The following NCAPD3 variants were observed in gnomAD, a reference collection of about 807,000 sequenced individuals.
NCAPD3 encodes the protein condensin-2 complex subunit D3.
In NCAPD3, 105 loss-of-function variants were observed where a neutral mutation model predicts 182.9. The observed-to-expected ratio is 0.57, with a 90% CI of 0.49 to 0.68. NCAPD3 has a LOEUF of 0.68. Ranked by LOEUF, NCAPD3 falls within the 30% of genes least tolerant of loss-of-function variation. The pLI is 0.00. For synonymous variants in NCAPD3, 815 were observed against 679.9 expected (o/e 1.20, Z -3.09); for missense variants, 1,944 against 1,837.0 (o/e 1.06, Z -1.07).
intron 28 of NCAPD3, among the ~76,000 whole-genome samples, 199 bp downstream of exon 28, chr11:134,161,582 G>T (rs1943580989): frequency 6.6e-6 from 1 of 152,228 alleles, no homozygotes; most frequent in Non-Finnish European, 1.5e-5. Context: ...GGCCCTGGCT[G>T]CACATCCAAG....
At chr11:134,193,135 C>T (rs75802783) in intron 15 of NCAPD3, among the ~76,000 whole-genome samples, 3 of 152,108 alleles carry the variant, frequency 2.0e-5, no homozygotes, top group Non-Finnish European at 4.4e-5. Flanking sequence ...TTACTAGTAG[C>T]TACTAGTAAA....
Position 134,158,489 on chromosome 11 carries a change from G to A in NCAPD3, c.3874C>T (p.Leu1292=), listed in dbSNP as rs372763089. 7.2e-5 allele frequency: 116 copies of A among 1,613,412 alleles called. No homozygotes were observed. The South Asian group carries it at 9.6e-4, about 13-fold the overall frequency. The change falls in exon 30 of 35, where the codon CTG becomes TTG. Residue 1292 remains leucine (L), a synonymous_variant. Transcript: ENST00000534548. ...AEVAPVAQVA[L]CLETVPVPAG... Reference sequence around the variant, plus strand: ...GGAACTGGCACTGTTTCTAAACACAGGGCAACCTGGTAGAGAAGATAAAGA... The same window carrying A: ...GGAACTGGCACTGTTTCTAAACACAAGGCAACCTGGTAGAGAAGATAAAGA...
chr11:134,209,426 G>C lies in NCAPD3; in HGVS notation c.619C>G (p.Arg207Gly). 6.2e-7 allele frequency: 1 copy of C among 1,613,312 alleles called. No individual in the cohort carries two copies. Among genetic ancestry groups the C allele is most frequent in the Non-Finnish European group, 8.5e-7 (1 of 1,179,678 alleles). The change falls in exon 5 of 35, where the codon CGG becomes GGG. Residue 207 changes from arginine (R) to glycine (G), a missense_variant. Physicochemically the swap from Arg to Gly is moderately radical, Grantham distance 125 (BLOSUM62 -2). Transcript: ENST00000534548. Reference protein sequence around the residue: ...QEDENICFSARDLSQIRNAIF... With the variant: ...QEDENICFSAGDLSQIRNAIF... ...GCATTTCGAATTTGAGAAAGGTCCC[G>C]GGCAGAAAAACAAATATTCTCATCT...
chr11:134,182,286 A>G (rs1393082679), intron 19 of NCAPD3, among the ~76,000 whole-genome samples: 1 of 152,242 alleles, frequency 6.6e-6, no homozygotes. Context: ...AACAGGGGAC[A>G]TGCTCTGGGG....
chr11:134,162,207 G>A (rs605930), intron 27 of NCAPD3, among the ~76,000 whole-genome samples: 42,500 of 152,034 alleles, frequency 0.28, 6,535 homozygotes, highest in African/African-American at 0.41. Flanking sequence ...AGACCCTGAG[G>A]GACCTTGGCT....
At chr11:134,159,863 G>A in intron 29 of NCAPD3, 29 bp downstream of exon 29, 1 of 1,597,806 alleles carries the variant, frequency 6.3e-7, no homozygotes, top group Non-Finnish European at 8.5e-7. Context: ...TGGACTGTCT[G>A]GTCACAGTGC....
rs2136011628 is a variant in NCAPD3 at position 134,203,896 on chromosome 11, C to T, written c.1226G>A (p.Arg409Gln). 6.2e-7 allele frequency: 1 copy of T among 1,613,492 alleles called. No individual in the cohort carries two copies. The highest frequency in any genetic ancestry group is 8.5e-7 in the Non-Finnish European group (1 of 1,179,558). The stretch of plus-strand genomic sequence containing the variant: ...TAAGACAACATCAAGAGTAAAAACC[C>T]GGTGTGGGATCTGGTAAAGCAAGAT... ...KYSRSSKIPH[R>Q]VFTLDVVLAL... Residue 409 changes from arginine to glutamine, a missense_variant, in exon 11 of 35, where the codon CGG becomes CAG. Physicochemically the swap from Arg to Gln is conservative, Grantham distance 43. Around this residue, in one of 3 missense-constraint regions of NCAPD3, gnomAD observed 1,803 missense variants for 1,674.6 expected, o/e 1.08. Transcript: ENST00000534548.
At chr11:134,177,508 C>T (rs1230551566) in intron 22 of NCAPD3, 51 bp from the exon 23 acceptor site, 2 of 1,523,798 alleles carry the variant, frequency 1.3e-6, no homozygotes, top group African/African-American at 2.7e-5. Context: ...ATCCTAATTC[C>T]ATTCCTAAAT....
upstream of NCAPD3, chr11:134,224,004 T>A: frequency 3.3e-6 from 5 of 1,533,732 alleles, no homozygotes; most frequent in Non-Finnish European, 4.4e-6. Flanking sequence ...GTCGTTCCTG[T>A]GGACCAATCA....
chr11:134,169,896 A>G (rs1943964731), intron 24 of NCAPD3, among the ~76,000 whole-genome samples: 1 of 152,230 alleles, frequency 6.6e-6, no homozygotes, highest in South Asian at 2.1e-4. Context: ...TTAATTTAAT[A>G]TCAGAGCTCA....
chr11:134,152,716 G>C lies in NCAPD3; in HGVS notation c.*228C>G, dbSNP rs925615033. 1.8e-5 allele frequency: 8 copies of C among 449,106 alleles called. No homozygotes were observed. Among genetic ancestry groups the C allele is most frequent in the Non-Finnish European group, 3.1e-5 (8 of 256,404 alleles). The allele number at this position is 449,106 out of a possible 1,614,324, so 27.8% of individuals were successfully genotyped here. A position where few individuals can be genotyped will look rare whatever the true frequency, so the allele number is the denominator to read the frequency against. ...TAAAGTTACAATATTAAACAGATTA[G>C]GGTAAGAAAATCTAAATCTGGCACA... On this transcript the variant is annotated 3_prime_UTR_variant, in exon 35 of 35. Coordinates refer to ENST00000534548, the MANE Select transcript of NCAPD3 (RefSeq NM_015261.3).
intron 24 of NCAPD3, among the ~76,000 whole-genome samples, chr11:134,170,389 T>C (rs945187464): frequency 6.6e-6 from 1 of 152,228 alleles, no homozygotes; most frequent in African/African-American, 2.4e-5. Context: ...CAGCATCAGA[T>C]GAAGTTATTT....
Position 134,184,700 on chromosome 11 carries a change from A to G in NCAPD3, c.2388T>C (p.Ser796=). The G allele has an allele frequency of 6.2e-7, 1 of 1,614,090 alleles. No individual in the cohort carries two copies. The highest frequency in any genetic ancestry group is 8.5e-7 in the Non-Finnish European group (1 of 1,180,006). ...GCCTCTGCAAGGCGTCAACAGCTGAACTGATCACCTCTAGAGACCACTGAA... is the reference window on the plus strand; with the variant it reads ...GCCTCTGCAAGGCGTCAACAGCTGAGCTGATCACCTCTAGAGACCACTGAA... The part of the protein sequence containing the change: ...NGFQWSLEVI[S]SAVDALQRLC... The change falls in exon 19 of 35, where the codon AGT becomes AGC. Residue 796 remains serine (S), a synonymous_variant. Transcript: ENST00000534548.
chr11:134,160,132 A>G lies in NCAPD3; in HGVS notation c.3685-58T>C, dbSNP rs936883689. On this transcript the variant is annotated intron_variant, in intron 28 of 34. Coordinates refer to ENST00000534548, the MANE Select transcript of NCAPD3 (RefSeq NM_015261.3). ...TTCTTGAATAAAAACGTAAAGCCCT[A>G]AACCCCCACGACACACCTTCGCCTG... The G allele has an allele frequency of 3.8e-5, 59 of 1,567,818 alleles. No homozygotes were observed. In the African/African-American group the frequency reaches 5.3e-4, roughly 14 times the overall value.
chr11:134,174,327 G>A (rs1317354569), intron 24 of NCAPD3, among the ~76,000 whole-genome samples: 2 of 138,360 alleles, frequency 1.4e-5, no homozygotes, highest in Non-Finnish European at 3.0e-5. Flanking sequence ...AGGCTGCAGG[G>A]AGCCATGACT....
chr11:134,172,872 T>C (rs926207735), intron 24 of NCAPD3, among the ~76,000 whole-genome samples: 1 of 149,194 alleles, frequency 6.7e-6, no homozygotes, highest in Non-Finnish European at 1.5e-5. Flanking sequence ...AATAAAACAT[T>C]AGCTAACTAT....
rs758490296 is a variant in NCAPD3, at chr11:134,178,696, G to A, written c.2720C>T (p.Pro907Leu). The A allele has an allele frequency of 1.9e-6, 3 of 1,601,480 alleles. No homozygotes were observed. ...CATGACAGAACCTCTGACCTGGGGG[G>A]GTGGCTGAGACGCTGGGGCCTCACT... ...GSSEAPASQP[P>L]PQVRGSVMPS... The change falls in exon 22 of 35, where the codon CCC becomes CTC. Residue 907 changes from proline (P) to leucine (L), a missense_variant. Coordinates refer to ENST00000534548, the MANE Select transcript of NCAPD3 (RefSeq NM_015261.3).
intron 4 of NCAPD3, chr11:134,209,684 C>T (rs902339748): frequency 4.1e-6 from 2 of 486,606 alleles, no homozygotes. Context: ...ACAGTAGTTT[C>T]TAGTTTTGTG....
intron 27 of NCAPD3, among the ~76,000 whole-genome samples, chr11:134,162,240 A>G (rs769219995): frequency 3.9e-5 from 6 of 152,226 alleles, no homozygotes; most frequent in Non-Finnish European, 7.3e-5. Context: ...TCAGTCCTCA[A>G]TTCAACACCC....
Sources: allele counts gnomAD v4.1 joint callset (sites outside exome capture counted in the v4.1 genomes callset), GRCh38; gene constraint gnomAD v4.1.1; regional missense constraint gnomAD v4.1.1; transcripts MANE v1.5; gene names NCBI Gene and HGNC (gene_info 2026-07-23, HGNC 2026-07-21).